Variants in ATP8A2 observed in about 807,000 individuals in gnomAD.
The protein encoded by ATP8A2 is ATPase phospholipid transporting 8A2.
A neutral mutation model predicts 165.6 loss-of-function variants in ATP8A2; 100 were observed. The ratio of observed to expected loss-of-function variants is 0.60; its 90% CI spans 0.51 to 0.71. The LOEUF (loss-of-function observed/expected upper bound fraction) is 0.71, where lower values mean the gene tolerates loss of function less well. ATP8A2 is among the 30% of genes least tolerant of loss of function. The probability of loss-of-function intolerance (pLI) is 0.00; values close to 1 mark genes in which losing one functional copy is unlikely to be tolerated. For missense variants in ATP8A2, 1,227 were observed against 1,479.5 expected (o/e 0.83, Z 2.80); for synonymous variants, 543 against 548.8 (o/e 0.99, Z 0.15).
chr13:25,813,806 G>C (rs1419844385), intron 27 of ATP8A2, among the ~76,000 whole-genome samples: 2 of 152,176 alleles, frequency 1.3e-5, no homozygotes, highest in Admixed American at 6.5e-5. Flanking sequence ...TCTAAATAGG[G>C]AGACTGAGGA....
intron 24 of ATP8A2, among the ~76,000 whole-genome samples, chr13:25,635,729 A>T (rs771409657): frequency 2.6e-5 from 4 of 152,156 alleles, no homozygotes; most frequent in Non-Finnish European, 5.9e-5. Flanking sequence ...CTCTGTGCAA[A>T]AATTTTAGTG....
chr13:25,868,133 C>T (rs771644774), intron 33 of ATP8A2: 2 of 456,460 alleles, frequency 4.4e-6, no homozygotes, highest in South Asian at 1.6e-5. Flanking sequence ...TTAGCTTCCT[C>T]AGCCAAGGAA....
intron 2 of ATP8A2, among the ~76,000 whole-genome samples, chr13:25,512,744 C>G (rs2037287257): frequency 6.9e-6 from 1 of 145,904 alleles, no homozygotes; most frequent in Non-Finnish European, 1.5e-5. Context: ...CTGACCCCCC[C>G]CACCTCCCTC....
At chr13:25,546,975 C>T (rs866678942) in intron 10 of ATP8A2, among the ~76,000 whole-genome samples, 2 of 151,676 alleles carry the variant, frequency 1.3e-5, no homozygotes, top group South Asian at 2.1e-4. Context: ...ACTAAAAATA[C>T]AAAAATTAGC....
rs9553701 is a variant in ATP8A2 at position 26,023,326 on chromosome 13, G to C, written c.*3341G>C. Reference sequence around the variant, plus strand: ...AGGAGTGCTGTTTCTTTTAACACTTGTAGAGGAATATCCTGAGAAGTGAAC... The same window carrying C: ...AGGAGTGCTGTTTCTTTTAACACTTCTAGAGGAATATCCTGAGAAGTGAAC... On this transcript the variant is annotated 3_prime_UTR_variant, in exon 37 of 37. Transcript: ENST00000381655. The C allele has an allele frequency of 0.14, 20,887 of 152,148 alleles. 2,157 individuals are homozygous for C. The highest frequency in any genetic ancestry group is 0.51 in the East Asian group (2,604 of 5,156). The allele number at this position is 152,148 out of a possible 1,614,324, so 9.4% of individuals were successfully genotyped here.
At chr13:25,564,161 C>T (rs375264556) in intron 16 of ATP8A2, 130 bp downstream of exon 16, 4 of 685,508 alleles carry the variant, frequency 5.8e-6, no homozygotes, top group African/African-American at 3.5e-5. Context: ...GATGTGAGTC[C>T]TTCTGAGAAG....
In ATP8A2 at chr13:25,947,734, C is replaced by T. The variant is rs190021514; in HGVS notation, c.3184-13841C>T. ...AGAATCACCCTCTTCTTCCTGGGGC[C>T]GTGACTCAAGCAGACACCGTGGTCA... On this transcript the variant is annotated intron_variant, in intron 33 of 36. Coordinates refer to ENST00000381655, the MANE Select transcript of ATP8A2 (RefSeq NM_016529.6). 6.2e-4 allele frequency among the ~76,000 whole-genome samples: 95 copies of T among 152,272 alleles called. 1 individual carries two copies. Among genetic ancestry groups the T allele is most frequent in the African/African-American group, 2.0e-3 (84 of 41,544 alleles).
chr13:25,741,456 C>T (rs2043909076), intron 25 of ATP8A2, among the ~76,000 whole-genome samples: 1 of 152,162 alleles, frequency 6.6e-6, no homozygotes, highest in Admixed American at 6.5e-5. Context: ...TTATGGCTCA[C>T]TGCAGCCGCA....
At chr13:25,433,413 C>T (rs1432256178) in intron 1 of ATP8A2, among the ~76,000 whole-genome samples, 1 of 152,164 alleles carries the variant, frequency 6.6e-6, no homozygotes, top group Non-Finnish European at 1.5e-5. Flanking sequence ...GCTGGGACTA[C>T]AGGCGTGTGC....
intron 27 of ATP8A2, among the ~76,000 whole-genome samples, chr13:25,778,946 T>C (rs2044806186): frequency 6.6e-6 from 1 of 152,168 alleles, no homozygotes; most frequent in Admixed American, 6.5e-5. Context: ...CTGTCTCCCA[T>C]AGACGGTGAC....
rs375811227 is a variant in ATP8A2 at position 25,699,192 on chromosome 13, C to T, written c.2231C>T (p.Thr744Ile). 44 of 1,594,038 alleles carry T rather than the reference C, an allele frequency of 2.8e-5. No homozygotes were observed. Among genetic ancestry groups the T allele is most frequent in the Non-Finnish European group, 3.3e-5 (39 of 1,170,194 alleles). Residue 744 changes from threonine (T) to isoleucine (I), a missense_variant, in exon 25 of 37, where the codon ACT becomes ATT. By Grantham distance (89) the Thr-to-Ile change is moderately conservative. Around this residue, in one of 5 missense-constraint regions of ATP8A2, gnomAD observed 592 missense variants for 785.6 expected, o/e 0.75. Coordinates refer to ENST00000381655, the MANE Select transcript of ATP8A2 (RefSeq NM_016529.6). ...TTTCAGGCCACAAGGGCAGCCATTA[C>T]TCAGCACTGCACTGACCTTGGGAAT... Reference protein sequence around the residue: ...DSLDATRAAITQHCTDLGNLL... With the variant: ...DSLDATRAAIIQHCTDLGNLL...
intron 34 of ATP8A2, among the ~76,000 whole-genome samples, chr13:25,966,132 C>T (rs78087574): frequency 0.049 from 7,378 of 151,988 alleles, 544 homozygotes; most frequent in African/African-American, 0.16. Context: ...ATCTGAAGAC[C>T]CACAGACAAC....
At chr13:25,569,460 A>C (rs2138169188) in intron 16 of ATP8A2, among the ~76,000 whole-genome samples, 1 of 152,354 alleles carries the variant, frequency 6.6e-6, no homozygotes, top group Non-Finnish European at 1.5e-5. Flanking sequence ...TGCTTCCTTC[A>C]CATGAAGATA....
At chr13:25,969,672 A>G (rs1222720277) in intron 35 of ATP8A2, among the ~76,000 whole-genome samples, 2 of 152,216 alleles carry the variant, frequency 1.3e-5, no homozygotes, top group Non-Finnish European at 2.9e-5. Context: ...GATTTTAGAA[A>G]AGGGATGATG....
intron 1 of ATP8A2, among the ~76,000 whole-genome samples, chr13:25,388,290 G>A (rs1298490785): frequency 6.6e-6 from 1 of 152,180 alleles, no homozygotes; most frequent in Non-Finnish European, 1.5e-5. Flanking sequence ...ACAGTTCCCA[G>A]TTCCTGTGGT....
chr13:25,920,622 C>G (rs1360714202), intron 33 of ATP8A2, among the ~76,000 whole-genome samples: 2 of 152,234 alleles, frequency 1.3e-5, no homozygotes, highest in Admixed American at 1.3e-4. Context: ...CCCAGCCTCA[C>G]AAGAACCTCA....
At chr13:25,931,751 C>T (rs889726431) in intron 33 of ATP8A2, among the ~76,000 whole-genome samples, 5 of 152,052 alleles carry the variant, frequency 3.3e-5, no homozygotes, top group Non-Finnish European at 7.4e-5. Flanking sequence ...GCATCCAAGA[C>T]AGGGAAAAGC....
intron 1 of ATP8A2, among the ~76,000 whole-genome samples, chr13:25,379,225 TC>T (rs2032748896): frequency 1.3e-5 from 2 of 152,124 alleles, no homozygotes; most frequent in Admixed American, 1.3e-4. Flanking sequence ...TCCTCCCTTT[TC>T]TATCTCTAGA....
intron 24 of ATP8A2, among the ~76,000 whole-genome samples, chr13:25,598,690 T>C (rs1339000062): frequency 1.3e-5 from 2 of 152,220 alleles, no homozygotes; most frequent in African/African-American, 4.8e-5. Context: ...CCTCCTCTGC[T>C]AATTCCACTT....
Sources: allele counts gnomAD v4.1 joint callset (sites outside exome capture counted in the v4.1 genomes callset), GRCh38; gene constraint gnomAD v4.1.1; regional missense constraint gnomAD v4.1.1; transcripts MANE v1.5; gene names NCBI Gene and HGNC (gene_info 2026-07-23, HGNC 2026-07-21).